Variants in SPATA16 observed in about 807,000 individuals in gnomAD.
SPATA16 encodes the protein spermatogenesis-associated protein 16.
In SPATA16, 36 loss-of-function variants were observed where a neutral mutation model predicts 63.3. The observed-to-expected ratio is 0.57, with a 90% CI of 0.44 to 0.75. The LOEUF is 0.75. Ranked by LOEUF, SPATA16 falls within the 30% of genes least tolerant of loss-of-function variation. SPATA16 has a pLI of 0.00. For synonymous variants in SPATA16, 203 were observed against 216.7 expected, an observed-to-expected ratio of 0.94 and a Z score of 0.56; for missense variants, 646 against 679.3, an observed-to-expected ratio of 0.95 and a Z score of 0.54.
At chr3:173,066,594 G>A (rs1736526735) in intron 2 of SPATA16, among the ~76,000 whole-genome samples, 1 of 152,264 alleles carries the variant, frequency 6.6e-6, no homozygotes, top group Non-Finnish European at 1.5e-5. Context: ...AGTAGTCCTG[G>A]GCTTAGGGCA....
chr3:172,900,635 TTTTG>T (rs1732108230), intron 10 of SPATA16, among the ~76,000 whole-genome samples: 2 of 152,072 alleles, frequency 1.3e-5, no homozygotes, highest in African/African-American at 4.8e-5. Context: ...TAATGTTTTT[TTTTG>T]TTTGTTTGTT....
intron 2 of SPATA16, among the ~76,000 whole-genome samples, chr3:173,095,525 C>T (rs1043952291): frequency 6.6e-6 from 1 of 152,058 alleles, no homozygotes; most frequent in African/African-American, 2.4e-5. Context: ...ATTCTGTACT[C>T]AAAGTTCAGC....
At chr3:173,048,823 A>G (rs765586124) in intron 3 of SPATA16, 126 bp downstream of exon 3, 37 of 1,234,646 alleles carry the variant, frequency 3.0e-5, no homozygotes, top group Non-Finnish European at 4.3e-5. Context: ...ACATAAAACA[A>G]GCAGTAAATA....
At chr3:173,075,013 GGAAAGAAAAGAAAAAAA>G (rs2108309660) in intron 2 of SPATA16, among the ~76,000 whole-genome samples, 1 of 118,786 alleles carries the variant, frequency 8.4e-6, no homozygotes, top group African/African-American at 3.5e-5. Context: ...AAAAAAAAAA[GGAAAGAAAAGAAAAAAA>G]GAAAAACTAA....
In SPATA16 at chr3:172,977,071, TA is replaced by T. The variant is rs748302293; in HGVS notation, c.849-20del. 5.2e-4 allele frequency: 761 copies of T among 1,468,924 alleles called. No individual in the cohort carries two copies. The highest frequency in any genetic ancestry group is 5.7e-4 in the East Asian group (23 of 40,014). 91.0% of individuals were successfully genotyped at this position (1,468,924 alleles called of 1,614,324 possible). A position where few individuals can be genotyped will look rare whatever the true frequency, so the allele number is the denominator to read the frequency against. On this transcript the variant is annotated intron_variant, in intron 4 of 10. Transcript: ENST00000351008. ...GGCACTCCTAAGAACAAGGACAGAT[TA>T]AAAAAAAAACAAAAACAAATGTATA...
intron 6 of SPATA16, among the ~76,000 whole-genome samples, chr3:172,934,969 C>A (rs9809205): frequency 6.6e-6 from 1 of 151,926 alleles, no homozygotes; most frequent in Non-Finnish European, 1.5e-5. Flanking sequence ...TTATTATCTA[C>A]GGCTTTGGAA....
intron 10 of SPATA16, among the ~76,000 whole-genome samples, chr3:172,907,766 C>T (rs574382873): frequency 4.0e-5 from 6 of 151,898 alleles, no homozygotes; most frequent in East Asian, 3.9e-4. Flanking sequence ...TTAGTAGAAA[C>T]GGGGTTTCAC....
intron 2 of SPATA16, among the ~76,000 whole-genome samples, chr3:173,057,884 A>G (rs915918952): frequency 1.3e-5 from 2 of 152,078 alleles, no homozygotes; most frequent in Non-Finnish European, 2.9e-5. Context: ...TTTTTCCTAT[A>G]TTTAACAAAG....
At chr3:173,076,975 A>G (rs1347474686) in intron 2 of SPATA16, among the ~76,000 whole-genome samples, 1 of 152,126 alleles carries the variant, frequency 6.6e-6, no homozygotes, top group African/African-American at 2.4e-5. Flanking sequence ...ACTGCTAAAA[A>G]TATATGAATG....
At chr3:172,994,622 T>C (rs1298576288) in intron 4 of SPATA16, among the ~76,000 whole-genome samples, 1 of 152,136 alleles carries the variant, frequency 6.6e-6, no homozygotes, top group Non-Finnish European at 1.5e-5. Context: ...TAATTTTTAA[T>C]TTTTTCTGGC....
In SPATA16 at chr3:173,036,006, T is replaced by C. The variant is rs540600284; in HGVS notation, c.758+12943A>G. Among the ~76,000 whole-genome samples, 5 of 151,968 alleles carry C rather than the reference T, an allele frequency of 3.3e-5. No homozygotes were observed. In the East Asian group the frequency reaches 9.7e-4, roughly 29 times the overall value. On this transcript the variant is annotated intron_variant, in intron 3 of 10. Coordinates refer to ENST00000351008, the MANE Select transcript of SPATA16 (RefSeq NM_031955.6). ...TTCAATCCTTGAGTACATGTCTCTT[T>C]AACATTTGGTAGGATGATGTAAGAA...
chr3:173,133,142 T>G (rs1738429278), intron 1 of SPATA16, among the ~76,000 whole-genome samples: 1 of 152,204 alleles, frequency 6.6e-6, no homozygotes. Context: ...GTATGTTATT[T>G]ATTGATTTAT....
intron 6 of SPATA16, among the ~76,000 whole-genome samples, chr3:172,940,381 C>A (rs1207757305): frequency 6.6e-6 from 1 of 152,138 alleles, no homozygotes; most frequent in Non-Finnish European, 1.5e-5. Flanking sequence ...CTTTGGACAT[C>A]CAGTTGGTTT....
chr3:173,109,380 G>A (rs1354182236), intron 2 of SPATA16, among the ~76,000 whole-genome samples: 2 of 152,252 alleles, frequency 1.3e-5, no homozygotes, highest in South Asian at 2.1e-4. Flanking sequence ...TGAGTCAGAC[G>A]GTGGGTGTGC....
intron 2 of SPATA16, among the ~76,000 whole-genome samples, chr3:173,083,888 A>G (rs1419739963): frequency 6.6e-6 from 1 of 152,166 alleles, no homozygotes; most frequent in Non-Finnish European, 1.5e-5. Flanking sequence ...CCAGTCTATC[A>G]TTGATGGGCA....
intron 3 of SPATA16, among the ~76,000 whole-genome samples, chr3:173,027,051 C>G (rs762331728): frequency 6.6e-6 from 1 of 151,788 alleles, no homozygotes; most frequent in Non-Finnish European, 1.5e-5. Flanking sequence ...ATAAATATAG[C>G]ACTTTTCTCC....
chr3:172,990,268 C>G (rs1296552066), intron 4 of SPATA16, among the ~76,000 whole-genome samples: 1 of 152,102 alleles, frequency 6.6e-6, no homozygotes, highest in African/African-American at 2.4e-5. Context: ...TCTATATCAG[C>G]AAGTATCTAG....
At chr3:172,973,586 AT>A (rs1734092691) in intron 5 of SPATA16, among the ~76,000 whole-genome samples, 1 of 152,182 alleles carries the variant, frequency 6.6e-6, no homozygotes, top group Non-Finnish European at 1.5e-5. Flanking sequence ...CTGAAAGTGA[AT>A]GCAGCAGGAC....
At chr3:173,002,968 A>G (rs1235416122) in intron 4 of SPATA16, among the ~76,000 whole-genome samples, 1 of 152,230 alleles carries the variant, frequency 6.6e-6, no homozygotes, top group Non-Finnish European at 1.5e-5. Flanking sequence ...ATAGATATGG[A>G]AAACTATGTT....
Sources: allele counts gnomAD v4.1 joint callset (sites outside exome capture counted in the v4.1 genomes callset), GRCh38; gene constraint gnomAD v4.1.1; transcripts MANE v1.5; gene names NCBI Gene and HGNC (gene_info 2026-07-23, HGNC 2026-07-21).